Variants in CALN1 observed in about 807,000 individuals in gnomAD.
CALN1 encodes calneuron 1.
Under a neutral mutation model 30.6 loss-of-function variants are expected in CALN1, and 17 were observed. The observed-to-expected ratio is 0.56, with a 90% CI of 0.38 to 0.83. The LOEUF is 0.83. Ranked by LOEUF, CALN1 falls within the 40% of genes least tolerant of loss-of-function variation. The pLI is 0.00. For missense variants in CALN1, 291 were observed against 354.9 expected, an observed-to-expected ratio of 0.82 and a Z score of 1.45; for synonymous variants, 156 against 131.4, an observed-to-expected ratio of 1.19 and a Z score of -1.28.
intron 5 of CALN1, among the ~76,000 whole-genome samples, chr7:71,855,435 G>A (rs151313563): frequency 1.0e-3 from 148 of 142,140 alleles, no homozygotes; most frequent in African/African-American, 3.3e-3. Flanking sequence ...CATCTTAGGA[G>A]CCTTGGTAAG....
chr7:71,891,932 A>G (rs1429097697), intron 5 of CALN1, among the ~76,000 whole-genome samples: 2 of 150,694 alleles, frequency 1.3e-5, no homozygotes, highest in African/African-American at 4.9e-5. Flanking sequence ...CAACAGAGTG[A>G]GACTCCGTCT....
intron 2 of CALN1, among the ~76,000 whole-genome samples, chr7:72,382,244 T>C (rs1263306728): frequency 6.6e-6 from 1 of 152,052 alleles, no homozygotes; most frequent in Non-Finnish European, 1.5e-5. Context: ...CAATAGGAAT[T>C]TTTCTGTCAG....
intron 5 of CALN1, among the ~76,000 whole-genome samples, chr7:71,827,560 C>T (rs1056115080): frequency 9.2e-5 from 14 of 151,892 alleles, no homozygotes; most frequent in African/African-American, 2.2e-4. Context: ...CACTGGAGGT[C>T]GGGAGTTCGA....
chr7:72,471,070 T>A, the CALN1 span, among the ~76,000 whole-genome samples: 1 of 152,148 alleles, frequency 6.6e-6, no homozygotes, highest in Non-Finnish European at 1.5e-5. Flanking sequence ...TCCTCCCACC[T>A]CAGCCTCCCA....
intron 2 of CALN1, among the ~76,000 whole-genome samples, chr7:72,392,891 T>C (rs761436115): frequency 6.6e-6 from 1 of 152,000 alleles, no homozygotes; most frequent in South Asian, 2.1e-4. Flanking sequence ...CCCAGCTACT[T>C]CGGAGGCTGA....
At chr7:71,899,329 G>C (rs900599554) in intron 5 of CALN1, among the ~76,000 whole-genome samples, 1 of 152,102 alleles carries the variant, frequency 6.6e-6, no homozygotes, top group Non-Finnish European at 1.5e-5. Flanking sequence ...TTTTAGTAGA[G>C]ATGGAGTTTC....
intron 2 of CALN1, among the ~76,000 whole-genome samples, chr7:72,284,372 T>C (rs1462822365): frequency 6.6e-6 from 1 of 152,214 alleles, no homozygotes; most frequent in Non-Finnish European, 1.5e-5. Flanking sequence ...TGATGGTCAG[T>C]TTTATGTGTC....
At chr7:72,487,920 A>G in the CALN1 span, among the ~76,000 whole-genome samples, 2 of 77,702 alleles carry the variant, frequency 2.6e-5, no homozygotes, top group African/African-American at 1.3e-4. Context: ...GAAAGAAAGA[A>G]GGAAGGAAGG....
intron 2 of CALN1, among the ~76,000 whole-genome samples, chr7:72,331,082 G>C (rs1246357256): frequency 6.6e-6 from 1 of 152,112 alleles, no homozygotes. Flanking sequence ...GGGCACGGTG[G>C]CTCATACCTG....
intron 6 of CALN1, among the ~76,000 whole-genome samples, chr7:71,799,562 T>C (rs1188843766): frequency 6.6e-6 from 1 of 152,050 alleles, no homozygotes; most frequent in Non-Finnish European, 1.5e-5. Context: ...ACCTCCTGGA[T>C]TCAAGCGATT....
the CALN1 span, among the ~76,000 whole-genome samples, chr7:72,462,020 AG>A: frequency 1.4e-5 from 2 of 142,754 alleles, no homozygotes; most frequent in Non-Finnish European, 3.0e-5. Context: ...AAAGAAAGAA[AG>A]AAAAAAAAAA....
chr7:72,375,118 T>C (rs1804480436), intron 2 of CALN1, among the ~76,000 whole-genome samples: 1 of 152,220 alleles, frequency 6.6e-6, no homozygotes, highest in East Asian at 1.9e-4. Context: ...CATAAAAAAT[T>C]ACCACCATCA....
intron 3 of CALN1, among the ~76,000 whole-genome samples, chr7:72,169,781 C>CT (rs1788808289): frequency 6.6e-6 from 1 of 150,838 alleles, no homozygotes; most frequent in Admixed American, 6.6e-5. Context: ...CTTCCACCTC[C>CT]TGGGTTCAAG....
chr7:72,228,578 A>C, intron 3 of CALN1, among the ~76,000 whole-genome samples: 1 of 151,690 alleles, frequency 6.6e-6, no homozygotes, highest in African/African-American at 2.4e-5. Context: ...TGGGCAAATT[A>C]CTCTCTGAGC....
chr7:71,871,669 C>A (rs915383665), intron 5 of CALN1, among the ~76,000 whole-genome samples: 1 of 152,174 alleles, frequency 6.6e-6, no homozygotes, highest in South Asian at 2.1e-4. Flanking sequence ...CTCAGGACAT[C>A]GCACCTTCTG....
At chr7:72,113,241 C>T (rs1404141937) in intron 3 of CALN1, among the ~76,000 whole-genome samples, 1 of 152,052 alleles carries the variant, frequency 6.6e-6, no homozygotes, top group Admixed American at 6.6e-5. Context: ...TGCATGAGTC[C>T]TCAATTAGTT....
At chr7:72,201,769 G>A (rs1170032282) in intron 3 of CALN1, among the ~76,000 whole-genome samples, 1 of 140,620 alleles carries the variant, frequency 7.1e-6, no homozygotes, top group Non-Finnish European at 1.5e-5. Context: ...AGTAACTGTA[G>A]TAAGCAAAAG....
intron 2 of CALN1, among the ~76,000 whole-genome samples, chr7:72,370,748 T>C (rs936938132): frequency 2.0e-5 from 3 of 152,138 alleles, no homozygotes; most frequent in Non-Finnish European, 2.9e-5. Flanking sequence ...CAACAGTGTC[T>C]TTCAAAGAGA....
At chr7:72,316,588 T>C (rs11971116) in intron 2 of CALN1, among the ~76,000 whole-genome samples, 48,467 of 151,830 alleles carry the variant, frequency 0.32, 8,369 homozygotes, top group Non-Finnish European at 0.38. Context: ...TTAATTTTCT[T>C]CTATTTGCTT....
Sources: gnomAD v4.1 joint callset for allele counts (sites outside exome capture counted in the v4.1 genomes callset) on GRCh38, gnomAD v4.1.1 for gene constraint, MANE v1.5 for transcripts, NCBI Gene and HGNC (gene_info 2026-07-23, HGNC 2026-07-21) for gene names.